The following DIP2A variants were observed in gnomAD, a reference collection of about 807,000 sequenced individuals.
DIP2A encodes DIP2 acetate--CoA ligase A, also known as disco-interacting protein 2 homolog A.
Under a neutral mutation model 177.4 loss-of-function variants are expected in DIP2A, and 85 were observed. That is an observed-to-expected ratio of 0.48 (90% confidence interval 0.40 to 0.57). The LOEUF is 0.57. DIP2A is among the 20% of genes least tolerant of loss of function. The probability of loss-of-function intolerance (pLI) is 0.00; values close to 1 mark genes in which losing one functional copy is unlikely to be tolerated. For missense variants in DIP2A, 1,791 were observed against 2,100.2 expected (o/e 0.85, Z 2.88); for synonymous variants, 886 against 881.8 (o/e 1.00, Z -0.08).
intron 8 of DIP2A, among the ~76,000 whole-genome samples, chr21:46,514,367 C>T (rs1264231000): frequency 3.3e-5 from 5 of 150,842 alleles, no homozygotes; most frequent in Non-Finnish European, 7.4e-5. Context: ...ACCCAGGAGG[C>T]GGAGCTTGCA....
intron 1 of DIP2A, among the ~76,000 whole-genome samples, chr21:46,483,905 C>A (rs1476354373): frequency 6.6e-6 from 1 of 152,202 alleles, no homozygotes; most frequent in African/African-American, 2.4e-5. Context: ...CATCACACAT[C>A]CCCTGTTAGA....
Position 46,563,333 on chromosome 21 carries a change from G to T in DIP2A, c.4090-525G>T, listed in dbSNP as rs1182805171. 1.3e-5 allele frequency among the ~76,000 whole-genome samples: 2 copies of T among 152,240 alleles called. No homozygotes were observed. The highest frequency in any genetic ancestry group is 4.8e-5 in the African/African-American group (2 of 41,470). On this transcript the variant is annotated intron_variant, in intron 34 of 37. Transcript: ENST00000417564. This position sits in a 1 kb window ranked among gnomAD's most constrained non-coding sequence, Gnocchi z 4.3. ...AGTCAGGTGGTCTGACCTGAGCCCAGTGAGGGAACACTGGGACCGGGCCTG... is the reference window on the plus strand; with the variant it reads ...AGTCAGGTGGTCTGACCTGAGCCCATTGAGGGAACACTGGGACCGGGCCTG...
chr21:46,466,830 A>G (rs959320525), intron 1 of DIP2A, among the ~76,000 whole-genome samples: 1 of 152,176 alleles, frequency 6.6e-6, no homozygotes, highest in African/African-American at 2.4e-5. Context: ...CAGATTGGAT[A>G]CAGGAGCAGG....
intron 13 of DIP2A, 94 bp downstream of exon 13, chr21:46,534,781 C>T (rs2059494345): frequency 1.8e-6 from 2 of 1,112,846 alleles, no homozygotes; most frequent in African/African-American, 1.5e-5. Context: ...CCTGTCAAAA[C>T]CACCCCTGGG....
intron 2 of DIP2A, among the ~76,000 whole-genome samples, chr21:46,488,723 A>G (rs1655892836): frequency 6.6e-6 from 1 of 152,226 alleles, no homozygotes; most frequent in South Asian, 2.1e-4. Flanking sequence ...CACTTTTCAT[A>G]CATTGCTTGT....
In DIP2A at chr21:46,511,561, C is replaced by A. The variant is rs955540854; in HGVS notation, c.1049C>A (p.Pro350His). ...QRWGTTQPKS[P>H]CLTALDTTGK... ...TGGGGCACAACACAGCCCAAATCCCCCTGTCTGACTGCCTTGGATACAACT... is the reference window on the plus strand; with the variant it reads ...TGGGGCACAACACAGCCCAAATCCCACTGTCTGACTGCCTTGGATACAACT... Residue 350 changes from proline (P) to histidine (H), a missense_variant, in exon 8 of 38, where the codon CCC (proline) becomes CAC (histidine). Physicochemically the swap from Pro to His is moderately conservative, Grantham distance 77 (BLOSUM62 -2). Transcript: ENST00000417564. 7 of 1,592,680 alleles carry A rather than the reference C, an allele frequency of 4.4e-6. No individual in the cohort carries two copies. The African/African-American group carries it at 9.5e-5, about 22-fold the overall frequency.
chr21:46,473,145 G>A (rs1601372415), intron 1 of DIP2A, among the ~76,000 whole-genome samples: 1 of 152,086 alleles, frequency 6.6e-6, no homozygotes, highest in Admixed American at 6.6e-5. Context: ...CACTGCTCTC[G>A]ACAAAGGAGA....
chr21:46,462,290 C>T (rs1163659724), intron 1 of DIP2A, among the ~76,000 whole-genome samples: 1 of 152,162 alleles, frequency 6.6e-6, no homozygotes, highest in African/African-American at 2.4e-5. Flanking sequence ...CGTGGGCTCT[C>T]CCTGTTGGAT....
chr21:46,479,465 T>C (rs1324487978), intron 1 of DIP2A, among the ~76,000 whole-genome samples: 1 of 152,228 alleles, frequency 6.6e-6, no homozygotes, highest in African/African-American at 2.4e-5. Flanking sequence ...TACAAATGAA[T>C]GAGACAGTGG....
At chr21:46,479,053 T>TA (rs2056144357) in intron 1 of DIP2A, among the ~76,000 whole-genome samples, 1 of 152,212 alleles carries the variant, frequency 6.6e-6, no homozygotes, top group Non-Finnish European at 1.5e-5. Flanking sequence ...CTCCAGTCCT[T>TA]ATGAGTGCTG....
At chr21:46,467,363 G>T (rs1398710787) in intron 1 of DIP2A, among the ~76,000 whole-genome samples, 1 of 150,880 alleles carries the variant, frequency 6.6e-6, no homozygotes, top group Non-Finnish European at 1.5e-5. Context: ...AGTTTTGTTT[G>T]TTTGTTTGTT....
At chr21:46,545,701 G>C (rs916861494) in intron 19 of DIP2A, among the ~76,000 whole-genome samples, 180 bp from the exon 20 acceptor site, 1 of 152,228 alleles carries the variant, frequency 6.6e-6, no homozygotes, top group Non-Finnish European at 1.5e-5. Flanking sequence ...GCCTCAGGAG[G>C]CCTGCCCAGG....
At chr21:46,464,690 C>T (rs1196724298) in intron 1 of DIP2A, among the ~76,000 whole-genome samples, 2 of 152,256 alleles carry the variant, frequency 1.3e-5, no homozygotes, top group Non-Finnish European at 2.9e-5. Context: ...TTGTCTGGAA[C>T]GCATTCCTGA....
At chr21:46,484,683 C>T (rs1225181288) in intron 1 of DIP2A, 74 bp from the exon 2 acceptor site, 2 of 1,314,936 alleles carry the variant, frequency 1.5e-6, no homozygotes, top group Admixed American at 2.3e-5. Flanking sequence ...GTTTTTCAAT[C>T]ATAAATTGAT....
chr21:46,503,637 CTTTCTTTCTTTCTTTTTCTTTCTTTCTT>C (rs1173911775), intron 5 of DIP2A, among the ~76,000 whole-genome samples: 1 of 79,210 alleles, frequency 1.3e-5, no homozygotes, highest in East Asian at 3.5e-4. Context: ...TCTTTCTTTC[CTTTCTTTCTTTCTTTTTCTTTCTTTCTT>C]TTTCTTTCTT....
chr21:46,524,998 G>A (rs531896194), intron 8 of DIP2A, among the ~76,000 whole-genome samples: 125 of 140,912 alleles, frequency 8.9e-4, no homozygotes, highest in African/African-American at 3.2e-3. Context: ...CAATTATTAC[G>A]CATCAGCCTC....
In DIP2A at chr21:46,498,361, G is replaced by T. The variant is rs1198334360; in HGVS notation, c.404-221G>T. On this transcript the variant is annotated intron_variant, in intron 4 of 37. Transcript: ENST00000417564. The surrounding 1 kb of genome is among the most constrained non-coding windows in gnomAD (Gnocchi z 4.3). Reference sequence around the variant, plus strand: ...CCTGTGGCTGAGTTCTCTCTGGGGAGCTGGGGGCTCATGGAATCATTTTCC... The same window carrying T: ...CCTGTGGCTGAGTTCTCTCTGGGGATCTGGGGGCTCATGGAATCATTTTCC... 6.6e-6 allele frequency among the ~76,000 whole-genome samples: 1 copy of T among 152,162 alleles called. No homozygotes were observed. Among genetic ancestry groups the T allele is most frequent in the Non-Finnish European group, 1.5e-5 (1 of 68,024 alleles).
At chr21:46,554,786 G>GGGGGGGGGGGGGCCGCC in intron 27 of DIP2A, 36 bp from the exon 28 acceptor site, 1 of 1,519,128 alleles carries the variant, frequency 6.6e-7, no homozygotes, top group Non-Finnish European at 8.8e-7. Context: ...AGCTTGAGAG[G>GGGGGGGGGGGGGCCGCC]CCCCGCCCAC....
At chr21:46,546,384 C>A in intron 20 of DIP2A, 1 of 934,714 alleles carries the variant, frequency 1.1e-6, no homozygotes, top group Non-Finnish European at 1.3e-6. Context: ...CTTTTGAAGA[C>A]ATTTTTGCTT....
Sources: gnomAD v4.1 joint callset for allele counts (sites outside exome capture counted in the v4.1 genomes callset) on GRCh38, gnomAD v4.1.1 for gene constraint, Gnocchi (gnomAD v3.1) non-coding constraint, MANE v1.5 for transcripts, NCBI Gene and HGNC (gene_info 2026-07-23, HGNC 2026-07-21) for gene names.